COMMD10: variants seen among roughly 807,000 people sequenced by gnomAD.
The protein encoded by COMMD10 is COMM domain-containing protein 10.
COMMD10 carries 33 observed loss-of-function variants against 28.9 expected under a neutral mutation model. The ratio of observed to expected loss-of-function variants is 1.14; its 90% CI spans 0.87 to 1.53. The LOEUF is 1.53. COMMD10 is among the 40% of genes most tolerant of loss of function. The probability of loss-of-function intolerance (pLI) is 0.00; values close to 1 mark genes in which losing one functional copy is unlikely to be tolerated. For synonymous variants in COMMD10, 110 were observed against 81.7 expected, an observed-to-expected ratio of 1.35 and a Z score of -1.87; for missense variants, 310 against 233.4, an observed-to-expected ratio of 1.33 and a Z score of -2.14.
chr5:116,235,799 G>A (rs937833702), intron 5 of COMMD10, among the ~76,000 whole-genome samples: 3 of 151,426 alleles, frequency 2.0e-5, no homozygotes, highest in South Asian at 2.1e-4. Flanking sequence ...CTTTATCTTC[G>A]ATGGATAAAA....
At chr5:116,267,881 A>G (rs980574501) in intron 5 of COMMD10, among the ~76,000 whole-genome samples, 3 of 151,912 alleles carry the variant, frequency 2.0e-5, no homozygotes, top group African/African-American at 7.3e-5. Context: ...GGTGCTGGGA[A>G]AACTGGCTAG....
intron 5 of COMMD10, among the ~76,000 whole-genome samples, chr5:116,140,708 A>G (rs900575737): frequency 6.6e-6 from 1 of 151,772 alleles, no homozygotes; most frequent in African/African-American, 2.4e-5. Flanking sequence ...TCTGTTGGCC[A>G]TTTTTATGTC....
chr5:116,108,443 C>A (rs1279131649), intron 4 of COMMD10, among the ~76,000 whole-genome samples: 1 of 110,846 alleles, frequency 9.0e-6, no homozygotes, highest in Non-Finnish European at 2.0e-5. Context: ...TTTTGAGCTG[C>A]AGTGGGCTCT....
At chr5:116,286,004 G>A (rs145243222) in intron 5 of COMMD10, among the ~76,000 whole-genome samples, 1 of 151,904 alleles carries the variant, frequency 6.6e-6, no homozygotes, top group Non-Finnish European at 1.5e-5. Context: ...GCATTTCTTT[G>A]TTGAGGAGTT....
intron 5 of COMMD10, among the ~76,000 whole-genome samples, chr5:116,242,516 T>C (rs1016132149): frequency 6.6e-6 from 1 of 152,162 alleles, no homozygotes; most frequent in African/African-American, 2.4e-5. Flanking sequence ...AACTGGGGTT[T>C]AGATTGAGTT....
At chr5:116,112,132 T>A (rs1453731572) in intron 4 of COMMD10, among the ~76,000 whole-genome samples, 1 of 152,232 alleles carries the variant, frequency 6.6e-6, no homozygotes, top group East Asian at 1.9e-4. Context: ...ATTCTGTTAA[T>A]AATCTGTCTG....
intron 5 of COMMD10, among the ~76,000 whole-genome samples, chr5:116,184,594 T>G (rs1748079427): frequency 6.6e-6 from 1 of 152,074 alleles, no homozygotes; most frequent in South Asian, 2.1e-4. Context: ...ACACCAAACC[T>G]AAAAAAGCAG....
chr5:116,172,125 C>CT (rs899712250), intron 5 of COMMD10, among the ~76,000 whole-genome samples: 8 of 152,116 alleles, frequency 5.3e-5, no homozygotes, highest in African/African-American at 1.7e-4. Context: ...AGCCCAGCAA[C>CT]TTTATTATAG....
intron 5 of COMMD10, among the ~76,000 whole-genome samples, chr5:116,262,867 T>A (rs1750485375): frequency 6.6e-6 from 1 of 151,844 alleles, no homozygotes; most frequent in Non-Finnish European, 1.5e-5. Context: ...ACTGTAAGTA[T>A]TATCAGGCAC....
At chr5:116,169,491 A>T (rs1027430837) in intron 5 of COMMD10, among the ~76,000 whole-genome samples, 1 of 152,204 alleles carries the variant, frequency 6.6e-6, no homozygotes, top group African/African-American at 2.4e-5. Context: ...TTCATTTAAG[A>T]GGCCAGCATT....
chr5:116,122,087 G>A (rs1451941909), intron 4 of COMMD10, among the ~76,000 whole-genome samples: 3 of 152,148 alleles, frequency 2.0e-5, no homozygotes, highest in South Asian at 2.1e-4. Flanking sequence ...TATTGCCTAG[G>A]TTTTCTTCTA....
chr5:116,201,138 A>G (rs1748655412), intron 5 of COMMD10, among the ~76,000 whole-genome samples: 1 of 152,076 alleles, frequency 6.6e-6, no homozygotes, highest in African/African-American at 2.4e-5. Flanking sequence ...GGAGTTGGAT[A>G]TTTTCCTTCC....
intron 5 of COMMD10, among the ~76,000 whole-genome samples, chr5:116,150,471 G>A (rs1286067396): frequency 6.6e-6 from 1 of 151,814 alleles, no homozygotes; most frequent in Non-Finnish European, 1.5e-5. Context: ...TCATGATATT[G>A]ATTCTTCCTA....
chr5:116,217,069 T>G (rs1180446648), intron 5 of COMMD10, among the ~76,000 whole-genome samples: 2 of 152,022 alleles, frequency 1.3e-5, no homozygotes, highest in Non-Finnish European at 2.9e-5. Context: ...GCTTTACATA[T>G]TTTTATAAAA....
At chr5:116,152,781 T>G (rs1034480756) in intron 5 of COMMD10, among the ~76,000 whole-genome samples, 6 of 152,124 alleles carry the variant, frequency 3.9e-5, no homozygotes, top group Non-Finnish European at 7.4e-5. Flanking sequence ...ACTTTTTTAC[T>G]GATTGTAATT....
chr5:116,288,028 C>A (rs961579064), intron 5 of COMMD10, among the ~76,000 whole-genome samples: 1 of 151,526 alleles, frequency 6.6e-6, no homozygotes, highest in African/African-American at 2.4e-5. Flanking sequence ...TTATTGAGAA[C>A]CTTATATTTT....
Position 116,267,757 on chromosome 5 carries a change from C to A in COMMD10, c.511-23760C>A, listed in dbSNP as rs549163636. Among the ~76,000 whole-genome samples, 65 of 151,832 alleles carry A rather than the reference C, an allele frequency of 4.3e-4. No homozygotes were observed. In the South Asian group the frequency reaches 4.8e-3, roughly 11 times the overall value. On this transcript the variant is annotated intron_variant, in intron 5 of 6. Transcript: ENST00000274458. ...TACTGGTACCAAAACAGAGATATAG[C>A]TCAATGGAACAGAACAGAGTCCTCA...
intron 4 of COMMD10, among the ~76,000 whole-genome samples, chr5:116,126,366 T>C (rs1391357219): frequency 1.3e-5 from 2 of 152,138 alleles, no homozygotes; most frequent in African/African-American, 4.8e-5. Context: ...AATTTATAGA[T>C]TCAATGCCAT....
intron 4 of COMMD10, among the ~76,000 whole-genome samples, chr5:116,127,346 A>G (rs1751690073): frequency 1.3e-5 from 2 of 152,212 alleles, no homozygotes; most frequent in Admixed American, 6.5e-5. Context: ...AACTAGTTCA[A>G]CCATCGTGGA....
Sources: allele counts gnomAD v4.1 joint callset (sites outside exome capture counted in the v4.1 genomes callset), GRCh38; gene constraint gnomAD v4.1.1; transcripts MANE v1.5; gene names NCBI Gene and HGNC (gene_info 2026-07-23, HGNC 2026-07-21).